MYZAP: variants seen among roughly 807,000 people sequenced by gnomAD.
MYZAP encodes the protein myocardial zonula adherens protein.
Under a neutral mutation model 69.4 loss-of-function variants are expected in MYZAP, and 66 were observed. That is an observed-to-expected ratio of 0.95 (90% CI 0.78 to 1.17). The LOEUF (loss-of-function observed/expected upper bound fraction) is 1.17, where lower values mean the gene tolerates loss of function less well. MYZAP is among the 50% of genes most tolerant of loss of function. The pLI is 0.00. For synonymous variants in MYZAP, 256 were observed against 205.9 expected (o/e 1.24, Z -2.09); for missense variants, 611 against 556.2 (o/e 1.10, Z -0.99).
chr15:57,680,515 A>ACACACG (rs796592403), intron 12 of MYZAP, among the ~76,000 whole-genome samples: 3,756 of 150,078 alleles, frequency 0.025, 390 homozygotes, highest in African/African-American at 0.089. Flanking sequence ...ACACACACAC[A>ACACACG]CAAATGTATG....
At chr15:57,668,778 T>A (rs1427983708) in intron 11 of MYZAP, among the ~76,000 whole-genome samples, 1 of 151,964 alleles carries the variant, frequency 6.6e-6, no homozygotes, top group Non-Finnish European at 1.5e-5. Flanking sequence ...TCTTTATATA[T>A]TCTGGATTCG....
chr15:57,663,937 A>G (rs1465133854), intron 11 of MYZAP, among the ~76,000 whole-genome samples: 1 of 152,178 alleles, frequency 6.6e-6, no homozygotes, highest in Non-Finnish European at 1.5e-5. Flanking sequence ...TCACACATCC[A>G]CCTTAAATAG....
At chr15:57,646,734 G>C in intron 10 of MYZAP, 1 of 986,324 alleles carries the variant, frequency 1.0e-6, no homozygotes, top group African/African-American at 1.7e-5. Flanking sequence ...TTCCTGAATG[G>C]ATATCAATAC....
In MYZAP at chr15:57,685,346, A is replaced by G. The variant is rs2039641809; in HGVS notation, c.*848A>G. 6.6e-6 allele frequency: 1 copy of G among 152,194 alleles called. No homozygotes were observed. The highest frequency in any genetic ancestry group is 6.5e-5 in the Admixed American group (1 of 15,272). The allele number at this position is 152,194 out of a possible 1,614,324, so 9.4% of individuals were successfully genotyped here. ...ATGTCACATGTGTTTAATAAATACC[A>G]TATATTTTGTTCTACTAATGTTGTC... On this transcript the variant is annotated 3_prime_UTR_variant, in exon 13 of 13. Coordinates refer to ENST00000267853, the MANE Select transcript of MYZAP (RefSeq NM_001018100.5).
intron 12 of MYZAP, among the ~76,000 whole-genome samples, chr15:57,683,463 A>G (rs2039538358): frequency 1.3e-5 from 2 of 152,214 alleles, no homozygotes; most frequent in Admixed American, 6.5e-5. Flanking sequence ...TTTTATGTAC[A>G]TATCTTTCCC....
intron 9 of MYZAP, among the ~76,000 whole-genome samples, chr15:57,638,036 A>G (rs1309597220): frequency 6.6e-6 from 1 of 152,186 alleles, no homozygotes; most frequent in African/African-American, 2.4e-5. Flanking sequence ...TGGTCTATTA[A>G]TGTTCTCCAT....
chr15:57,668,145 T>C (rs550020858), intron 11 of MYZAP, among the ~76,000 whole-genome samples: 1 of 152,356 alleles, frequency 6.6e-6, no homozygotes, highest in Admixed American at 6.5e-5. Context: ...TGCAGAGTGG[T>C]ATTCCATTGT....
intron 1 of MYZAP, among the ~76,000 whole-genome samples, chr15:57,598,636 T>G (rs1433645765): frequency 6.6e-6 from 1 of 152,210 alleles, no homozygotes; most frequent in African/African-American, 2.4e-5. Flanking sequence ...TGAATGTTAG[T>G]CTCTTCCTCC....
chr15:57,632,604 G>T, intron 7 of MYZAP, 45 bp downstream of exon 7: 1 of 1,609,724 alleles, frequency 6.2e-7, no homozygotes, highest in South Asian at 1.1e-5. Flanking sequence ...GGGAATTGTT[G>T]GTTCATTATT....
At chr15:57,624,636 C>T (rs944939044) in intron 4 of MYZAP, among the ~76,000 whole-genome samples, 2 of 152,340 alleles carry the variant, frequency 1.3e-5, no homozygotes, top group South Asian at 2.1e-4. Flanking sequence ...CTCTGCTCCT[C>T]GCTTTCCATC....
intron 1 of MYZAP, among the ~76,000 whole-genome samples, chr15:57,593,214 A>ACACACACACACACACCCCCCC (rs1172761785): frequency 2.8e-5 from 4 of 141,346 alleles, no homozygotes; most frequent in African/African-American, 1.1e-4. Flanking sequence ...ACACACACAC[A>ACACACACACACACACCCCCCC]CCCCAGAATC....
chr15:57,647,818 G>T lies in MYZAP; in HGVS notation c.1119+8273G>T, dbSNP rs572028178. On this transcript the variant is annotated intron_variant, in intron 10 of 12. Coordinates refer to ENST00000267853, the MANE Select transcript of MYZAP (RefSeq NM_001018100.5). Reference sequence around the variant, plus strand: ...TGCATTGCAGGACCTACCTCAGCCTGCTCTTGTCTGCCTTTGCTGATGCCC... The same window carrying T: ...TGCATTGCAGGACCTACCTCAGCCTTCTCTTGTCTGCCTTTGCTGATGCCC... 2.5e-4 allele frequency: 243 copies of T among 985,384 alleles called. 1 individual carries two copies. Among genetic ancestry groups the T allele is most frequent in the Non-Finnish European group, 2.8e-4 (236 of 829,920 alleles). 61.0% of individuals were successfully genotyped at this position (985,384 alleles called of 1,614,324 possible). A position where few individuals can be genotyped will look rare whatever the true frequency, so the allele number is the denominator to read the frequency against.
At position 57,637,899 on chromosome 15, in the gene MYZAP, A is replaced by G. The variant is rs770263608; in HGVS notation, c.1013+125A>G. The stretch of plus-strand genomic sequence containing the variant: ...TACCTTATTACAGACTTAAGCATAC[A>G]TAACATTGGGCTGAGAGTTTCCAAT... On this transcript the variant is annotated intron_variant, in intron 9 of 12. Transcript: ENST00000267853. 17 of 1,011,788 alleles carry G rather than the reference A, an allele frequency of 1.7e-5. No homozygotes were observed. In the East Asian group the frequency reaches 1.9e-4, roughly 11 times the overall value. The allele number at this position is 1,011,788 out of a possible 1,614,324, so 62.7% of individuals were successfully genotyped here. A position where few individuals can be genotyped will look rare whatever the true frequency, so the allele number is the denominator to read the frequency against.
rs767790356 is a variant in MYZAP at position 57,629,773 on chromosome 15, T to G, written c.597T>G (p.Tyr199Ter). Residue 199 changes from tyrosine (Y) to a stop codon, truncating the protein, a stop_gained, in exon 6 of 13, where the codon TAT becomes TAG. Transcript: ENST00000267853. LOFTEE classifies it high-confidence loss of function. ...KDQIRNLQQT[Y>*]EASMDKLREK... ...AAATCAGAAATCTGCAGCAGACGTA[T>G]GAAGCATCCATGGACAAGCTGAGGG... is the stretch of plus-strand genomic sequence containing the variant. The G allele has an allele frequency of 3.1e-6, 5 of 1,614,076 alleles. No homozygotes were observed. The highest frequency in any genetic ancestry group is 4.2e-6 in the Non-Finnish European group (5 of 1,180,008).
chr15:57,605,987 G>A (rs143825179), intron 2 of MYZAP, among the ~76,000 whole-genome samples: 33 of 152,162 alleles, frequency 2.2e-4, no homozygotes, highest in Non-Finnish European at 7.4e-5. Flanking sequence ...GTAGAGGCAC[G>A]AGATCAGAGG....
chr15:57,684,063 G>A (rs1248821693), intron 12 of MYZAP, among the ~76,000 whole-genome samples: 1 of 151,878 alleles, frequency 6.6e-6, no homozygotes, highest in Non-Finnish European at 1.5e-5. Flanking sequence ...CAAAGTGCTG[G>A]GATTACAGGC....
chr15:57,661,335 A>T, intron 10 of MYZAP, 115 bp from the exon 11 acceptor site: 2 of 821,092 alleles, frequency 2.4e-6, no homozygotes. Context: ...AATGAGGAAA[A>T]ATAGAAATAG....
At chr15:57,665,586 G>T (rs1188453978) in intron 11 of MYZAP, among the ~76,000 whole-genome samples, 1 of 152,162 alleles carries the variant, frequency 6.6e-6, no homozygotes, top group South Asian at 2.1e-4. Context: ...GTTCCTAGCT[G>T]TTCCCCAAGA....
chr15:57,592,020 G>A lies in MYZAP; in HGVS notation c.-15G>A. The A allele has an allele frequency of 1.4e-6, 2 of 1,431,384 alleles. No individual in the cohort carries two copies. The highest frequency in any genetic ancestry group is 1.4e-5 in the South Asian group (1 of 70,788). 88.7% of individuals were successfully genotyped at this position (1,431,384 alleles called of 1,614,324 possible). On this transcript the variant is annotated 5_prime_UTR_variant, in exon 1 of 13. Transcript: ENST00000267853. ...GAACGCCGGCGTCCAGCCCGCTACC[G>A]ACCGCCGCTGCGGGATGCTGCGCTC... is the stretch of plus-strand genomic sequence containing the variant.
Sources: gnomAD v4.1 joint callset for allele counts (sites outside exome capture counted in the v4.1 genomes callset) on GRCh38, gnomAD v4.1.1 for gene constraint, MANE v1.5 for transcripts, NCBI Gene and HGNC (gene_info 2026-07-23, HGNC 2026-07-21) for gene names.